RGL1: variants seen among roughly 807,000 people sequenced by gnomAD.
The protein encoded by RGL1 is ral guanine nucleotide dissociation stimulator like 1.
Under a neutral mutation model 95.2 loss-of-function variants are expected in RGL1, and 24 were observed. The observed-to-expected ratio is 0.25, with a 90% confidence interval of 0.18 to 0.35. The LOEUF is 0.35. Ranked by LOEUF, RGL1 falls within the 10% of genes least tolerant of loss-of-function variation. The pLI, the probability that RGL1 is intolerant of heterozygous loss-of-function variation, is 1.00. For synonymous variants in RGL1, 329 were observed against 344.9 expected, an observed-to-expected ratio of 0.95 and a Z score of 0.51; for missense variants, 715 against 936.3, an observed-to-expected ratio of 0.76 and a Z score of 3.08.
chr1:183,800,378 C>T (rs1425921753), upstream of RGL1, among the ~76,000 whole-genome samples: 2 of 152,164 alleles, frequency 1.3e-5, no homozygotes. Flanking sequence ...TCTGGTAAAA[C>T]TGTAAAGCAA....
intron 2 of RGL1, among the ~76,000 whole-genome samples, chr1:183,826,005 A>AAATCAATCAATCAATC (rs60184863): frequency 4.8e-5 from 7 of 146,338 alleles, no homozygotes; most frequent in Non-Finnish European, 1.1e-4. Context: ...TCTATTTTTA[A>AAATCAATCAATCAATC]AATCAATCAA....
chr1:183,681,320 A>G (rs1653196792), intron 1 of RGL1, among the ~76,000 whole-genome samples: 1 of 152,186 alleles, frequency 6.6e-6, no homozygotes, highest in Non-Finnish European at 1.5e-5. Flanking sequence ...TTTGTCATAA[A>G]TGGCTCTTAT....
At chr1:183,786,292 T>G (rs1242291777) in intron 2 of RGL1, among the ~76,000 whole-genome samples, 1 of 152,194 alleles carries the variant, frequency 6.6e-6, no homozygotes, top group Admixed American at 6.5e-5. Context: ...TAATTCTAGT[T>G]ATTCAGGAGA....
chr1:183,682,288 T>C (rs1223517517), intron 1 of RGL1, among the ~76,000 whole-genome samples: 1 of 152,230 alleles, frequency 6.6e-6, no homozygotes, highest in Non-Finnish European at 1.5e-5. Flanking sequence ...TCTTTCCTGG[T>C]TTCTCCTGTG....
chr1:183,746,271 A>C (rs1657617810), intron 2 of RGL1, among the ~76,000 whole-genome samples: 1 of 152,102 alleles, frequency 6.6e-6, no homozygotes, highest in Non-Finnish European at 1.5e-5. Context: ...GCTTTTTAAA[A>C]AGTCTTTACT....
intron 1 of RGL1, among the ~76,000 whole-genome samples, chr1:183,640,048 G>A (rs1314379412): frequency 6.6e-6 from 1 of 152,066 alleles, no homozygotes; most frequent in Admixed American, 6.6e-5. Context: ...CACCATGTTG[G>A]CCAGGATGGT....
chr1:183,762,828 A>G (rs915513893), intron 2 of RGL1, among the ~76,000 whole-genome samples: 10 of 152,182 alleles, frequency 6.6e-5, no homozygotes, highest in Admixed American at 5.9e-4. Flanking sequence ...GGAAGACAGT[A>G]TGGCAATTCC....
intron 2 of RGL1, among the ~76,000 whole-genome samples, chr1:183,750,145 G>A (rs1238172172): frequency 1.3e-5 from 2 of 152,164 alleles, no homozygotes; most frequent in Non-Finnish European, 2.9e-5. Flanking sequence ...ATAATATCCT[G>A]AAGTGTGTTT....
At chr1:183,685,897 C>G (rs921773909) in intron 1 of RGL1, among the ~76,000 whole-genome samples, 1 of 152,138 alleles carries the variant, frequency 6.6e-6, no homozygotes, top group Non-Finnish European at 1.5e-5. Context: ...TAGTTAAATA[C>G]GTGGGACCAT....
chr1:183,890,244 A>G (rs539573701), intron 8 of RGL1, among the ~76,000 whole-genome samples: 71 of 152,344 alleles, frequency 4.7e-4, no homozygotes, highest in Middle Eastern at 6.8e-3. Context: ...GGTTGAAAAA[A>G]GAACACTAAG....
At chr1:183,695,941 T>G (rs901858472) in intron 1 of RGL1, among the ~76,000 whole-genome samples, 1 of 152,216 alleles carries the variant, frequency 6.6e-6, no homozygotes, top group Non-Finnish European at 1.5e-5. Flanking sequence ...TCTTAAAAGC[T>G]AAGCCTACTG....
chr1:183,718,526 A>G (rs1655782073), intron 1 of RGL1, among the ~76,000 whole-genome samples: 1 of 152,200 alleles, frequency 6.6e-6, no homozygotes, highest in Admixed American at 6.5e-5. Context: ...TTTCAAAACC[A>G]CTGGCATAGT....
intron 13 of RGL1, among the ~76,000 whole-genome samples, chr1:183,905,630 G>A (rs1668275195): frequency 6.6e-6 from 1 of 152,126 alleles, no homozygotes; most frequent in Non-Finnish European, 1.5e-5. Context: ...ACTCAGGTGT[G>A]GCAGGGACAC....
At chr1:183,881,808 A>C (rs915564737) in intron 5 of RGL1, among the ~76,000 whole-genome samples, 1 of 152,262 alleles carries the variant, frequency 6.6e-6, no homozygotes, top group Non-Finnish European at 1.5e-5. Flanking sequence ...TCTATATCTC[A>C]GATGACTTCA....
At chr1:183,922,122 A>G (rs1572609093) in intron 16 of RGL1, 100 bp from the exon 17 acceptor site, 1 of 905,062 alleles carries the variant, frequency 1.1e-6, no homozygotes. Flanking sequence ...CTTTCTGGAA[A>G]GGCATCACAA....
intron 14 of RGL1, among the ~76,000 whole-genome samples, chr1:183,909,526 T>C (rs982221369): frequency 6.6e-6 from 1 of 152,180 alleles, no homozygotes; most frequent in Non-Finnish European, 1.5e-5. Flanking sequence ...TTTTTGCTTC[T>C]GTGATCAGAG....
intron 2 of RGL1, among the ~76,000 whole-genome samples, chr1:183,788,157 A>G (rs551613365): frequency 1.3e-5 from 2 of 152,326 alleles, no homozygotes; most frequent in South Asian, 4.1e-4. Flanking sequence ...CAGAAATAAT[A>G]GGAATATATT....
At chr1:183,640,191 A>G (rs1649831957) in intron 1 of RGL1, among the ~76,000 whole-genome samples, 1 of 152,188 alleles carries the variant, frequency 6.6e-6, no homozygotes, top group Admixed American at 6.5e-5. Context: ...GCTTGGAAAC[A>G]GACATTGGTT....
intron 9 of RGL1, among the ~76,000 whole-genome samples, chr1:183,897,335 A>G (rs1185297037): frequency 1.3e-5 from 2 of 152,172 alleles, no homozygotes; most frequent in African/African-American, 4.8e-5. Flanking sequence ...GGAGTTCAAG[A>G]CCAGCCTGGC....
Sources: allele counts gnomAD v4.1 joint callset (sites outside exome capture counted in the v4.1 genomes callset), GRCh38; gene constraint gnomAD v4.1.1; transcripts MANE v1.5; gene names NCBI Gene and HGNC (gene_info 2026-07-23, HGNC 2026-07-21).